The following MDGA2 variants were observed in gnomAD, a reference collection of about 807,000 sequenced individuals.
The protein encoded by MDGA2 is MAM domain containing glycosylphosphatidylinositol anchor 2, also known as MAM domain-containing glycosylphosphatidylinositol anchor protein 2.
A neutral mutation model predicts 117.8 loss-of-function variants in MDGA2; 40 were observed. The ratio of observed to expected loss-of-function variants is 0.34; its 90% CI spans 0.26 to 0.44. MDGA2 has a LOEUF of 0.44. Ranked by LOEUF, MDGA2 falls within the 20% of genes least tolerant of loss-of-function variation. MDGA2 has a pLI of 1.00. For missense variants in MDGA2, 1,123 were observed against 1,250.6 expected, an observed-to-expected ratio of 0.90 and a Z score of 1.54; for synonymous variants, 452 against 439.0, an observed-to-expected ratio of 1.03 and a Z score of -0.37.
intron 1 of MDGA2, among the ~76,000 whole-genome samples, chr14:47,440,395 G>A (rs1285461445): frequency 2.6e-5 from 4 of 152,050 alleles, no homozygotes; most frequent in African/African-American, 9.7e-5. Context: ...CCTTCCCTGT[G>A]CCATTTCCTC....
chr14:47,108,973 A>C (rs1259993172), intron 5 of MDGA2, among the ~76,000 whole-genome samples: 1 of 152,162 alleles, frequency 6.6e-6, no homozygotes, highest in Non-Finnish European at 1.5e-5. Context: ...AGCACTACAC[A>C]TATCTCCTTC....
At position 46,954,286 on chromosome 14, in the gene MDGA2, A is replaced by G. The variant is rs951244259; in HGVS notation, c.2089+3088T>C. On this transcript the variant is annotated intron_variant, in intron 9 of 16. Transcript: ENST00000399232. ...TGCTTAGTGTGATAAAACTGAGGAC[A>G]GTTGACAAAACTGTTCTATTCATCT... Among the ~76,000 whole-genome samples, 3 of 152,150 alleles carry G rather than the reference A, an allele frequency of 2.0e-5. No individual in the cohort carries two copies. In the South Asian group the frequency reaches 6.2e-4, roughly 32 times the overall value.
chr14:46,958,243 G>A (rs1206876654), intron 8 of MDGA2, among the ~76,000 whole-genome samples: 5 of 152,156 alleles, frequency 3.3e-5, no homozygotes, highest in African/African-American at 1.2e-4. Flanking sequence ...AGCAGTAAGA[G>A]AAGGCATTCC....
In MDGA2 at chr14:47,306,418, A is replaced by T. The variant is rs559013686; in HGVS notation, c.281-4868T>A. 9.2e-5 allele frequency among the ~76,000 whole-genome samples: 14 copies of T among 152,246 alleles called. No homozygotes were observed. In the East Asian group the frequency reaches 2.7e-3, roughly 30 times the overall value. On this transcript the variant is annotated intron_variant, in intron 1 of 16. Coordinates refer to ENST00000399232, the MANE Select transcript of MDGA2 (RefSeq NM_001113498.3). The stretch of plus-strand genomic sequence containing the variant: ...TGTTGGCATGAGGGCTTAGATGAGA[A>T]ATGTTTCTGATGAAGAAACTTTTTT...
At chr14:47,298,913 C>G (rs180987213) in intron 2 of MDGA2, among the ~76,000 whole-genome samples, 162 of 152,000 alleles carry the variant, frequency 1.1e-3, no homozygotes, top group Non-Finnish European at 1.2e-3. Context: ...GTCTCGATCT[C>G]CTGACCTCGT....
At chr14:47,538,676 G>A (rs1047930088) in intron 1 of MDGA2, among the ~76,000 whole-genome samples, 3 of 152,100 alleles carry the variant, frequency 2.0e-5, no homozygotes, top group Admixed American at 1.3e-4. Flanking sequence ...CACATGATGT[G>A]ATTGTGTGTG....
chr14:47,499,360 T>C (rs1054484338), intron 1 of MDGA2, among the ~76,000 whole-genome samples: 4 of 152,146 alleles, frequency 2.6e-5, no homozygotes, highest in South Asian at 4.1e-4. Context: ...TTTGTTAACA[T>C]TGGAAAATCA....
chr14:46,940,700 T>C (rs904090406), intron 9 of MDGA2, among the ~76,000 whole-genome samples: 1 of 151,856 alleles, frequency 6.6e-6, no homozygotes, highest in Admixed American at 6.6e-5. Context: ...GACCATTGGT[T>C]GAGTGTGTGC....
intron 1 of MDGA2, among the ~76,000 whole-genome samples, chr14:47,635,587 C>T (rs969526804): frequency 2.0e-5 from 3 of 152,132 alleles, no homozygotes; most frequent in African/African-American, 7.2e-5. Flanking sequence ...ATTAAATGTA[C>T]TTTGATGCCA....
intron 1 of MDGA2, among the ~76,000 whole-genome samples, chr14:47,421,105 G>A (rs1002018274): frequency 2.0e-5 from 3 of 152,158 alleles, no homozygotes; most frequent in Non-Finnish European, 4.4e-5. Flanking sequence ...ATTTTACCTG[G>A]TCAATCAATA....
intron 1 of MDGA2, among the ~76,000 whole-genome samples, chr14:47,461,046 G>A (rs989482429): frequency 4.0e-5 from 6 of 151,840 alleles, no homozygotes; most frequent in African/African-American, 1.5e-4. Context: ...TTTGAAATCC[G>A]AGGGAATAAA....
intron 10 of MDGA2, among the ~76,000 whole-genome samples, chr14:46,917,621 TATATA>T (rs1327518223): frequency 6.6e-6 from 1 of 152,040 alleles, no homozygotes; most frequent in Non-Finnish European, 1.5e-5. Flanking sequence ...TATGGAATCA[TATATA>T]ATTTATTCTA....
chr14:46,944,672 C>G (rs1004751359), intron 9 of MDGA2, among the ~76,000 whole-genome samples: 1 of 151,894 alleles, frequency 6.6e-6, no homozygotes, highest in African/African-American at 2.4e-5. Flanking sequence ...TCAGCTCTTT[C>G]AATTTGTTTT....
chr14:47,176,075 C>T lies in MDGA2; in HGVS notation c.596-31801G>A, dbSNP rs549082824. Reference sequence around the variant, plus strand: ...ATTGCTTCAAAGAGAATAAAATACCCAGGAATCCAACTTATAAGGGATGTG... The same window carrying T: ...ATTGCTTCAAAGAGAATAAAATACCTAGGAATCCAACTTATAAGGGATGTG... On this transcript the variant is annotated intron_variant, in intron 3 of 16. Transcript: ENST00000399232. Among the ~76,000 whole-genome samples, 187 of 152,156 alleles carry T rather than the reference C, an allele frequency of 1.2e-3. 1 individual carries two copies. Among genetic ancestry groups the T allele is most frequent in the African/African-American group, 3.3e-3 (135 of 41,516 alleles).
intron 1 of MDGA2, among the ~76,000 whole-genome samples, chr14:47,429,697 G>C (rs773582918): frequency 4.6e-5 from 7 of 151,872 alleles, no homozygotes; most frequent in Non-Finnish European, 8.8e-5. Context: ...TTTATTCATT[G>C]TAAGACATTT....
intron 1 of MDGA2, among the ~76,000 whole-genome samples, chr14:47,509,828 A>C (rs954896745): frequency 6.6e-6 from 1 of 152,220 alleles, no homozygotes; most frequent in Non-Finnish European, 1.5e-5. Flanking sequence ...TTAATTTCAC[A>C]GATTCACAGC....
chr14:47,326,149 C>T (rs1218198448), intron 1 of MDGA2, among the ~76,000 whole-genome samples: 2 of 151,962 alleles, frequency 1.3e-5, no homozygotes, highest in African/African-American at 4.8e-5. Context: ...GTGAATGGTA[C>T]CAAAAAAATC....
chr14:47,409,429 A>G (rs1892326850), intron 1 of MDGA2, among the ~76,000 whole-genome samples: 2 of 152,200 alleles, frequency 1.3e-5, no homozygotes, highest in African/African-American at 4.8e-5. Flanking sequence ...ATTATCACAA[A>G]TATATCACAC....
intron 1 of MDGA2, among the ~76,000 whole-genome samples, chr14:47,519,980 C>T (rs1026713352): frequency 7.2e-5 from 11 of 152,172 alleles, no homozygotes; most frequent in Non-Finnish European, 1.0e-4. Flanking sequence ...AGTAGAGCCA[C>T]TGCTTGAGAA....
Sources: gnomAD v4.1 joint callset for allele counts (sites outside exome capture counted in the v4.1 genomes callset) on GRCh38, gnomAD v4.1.1 for gene constraint, MANE v1.5 for transcripts, NCBI Gene and HGNC (gene_info 2026-07-23, HGNC 2026-07-21) for gene names.